Variants in OSBPL3 observed in about 807,000 individuals in gnomAD.
OSBPL3 encodes the protein oxysterol-binding protein-related protein 3.
A neutral mutation model predicts 120.1 loss-of-function variants in OSBPL3; 65 were observed. The ratio of observed to expected loss-of-function variants is 0.54; its 90% CI spans 0.44 to 0.67. The LOEUF is 0.67. OSBPL3 is among the 30% of genes least tolerant of loss of function. OSBPL3 has a pLI of 0.00. For synonymous variants in OSBPL3, 416 were observed against 402.6 expected (o/e 1.03, Z -0.40); for missense variants, 1,004 against 1,082.1 (o/e 0.93, Z 1.01).
At chr7:24,897,377 G>C (rs1806317675) in intron 1 of OSBPL3, among the ~76,000 whole-genome samples, 1 of 142,982 alleles carries the variant, frequency 7.0e-6, no homozygotes, top group Non-Finnish European at 1.5e-5. Flanking sequence ...CCAGGCTGGA[G>C]TGCAGTGGCG....
At chr7:24,980,608 C>T (rs1269204941), upstream of OSBPL3, among the ~76,000 whole-genome samples, 1 of 151,870 alleles carries the variant, frequency 6.6e-6, no homozygotes. Context: ...CCCTTGCGGT[C>T]GCACAGGCTA....
chr7:24,973,462 G>A (rs1213162943), intron 1 of OSBPL3, among the ~76,000 whole-genome samples: 1 of 152,126 alleles, frequency 6.6e-6, no homozygotes, highest in East Asian at 1.9e-4. Context: ...TTAGGTAGAG[G>A]CAGTTATAAA....
rs779454508 is a variant in OSBPL3 at position 24,953,052 on chromosome 7, A to C, written c.-150+26834T>G. On this transcript the variant is annotated intron_variant, in intron 1 of 22. Transcript: ENST00000313367. This position sits in a 1 kb window ranked among gnomAD's most constrained non-coding sequence, Gnocchi z 4.3. Reference sequence around the variant, plus strand: ...CTTGAGAGACTAGGATAGGAGGGTCACTTGAGCCTAGGATTTCAAGGTTGC... The same window carrying C: ...CTTGAGAGACTAGGATAGGAGGGTCCCTTGAGCCTAGGATTTCAAGGTTGC... Among the ~76,000 whole-genome samples the C allele has an allele frequency of 6.6e-6, 1 of 152,150 alleles. No homozygotes were observed. Among genetic ancestry groups the C allele is most frequent in the Non-Finnish European group, 1.5e-5 (1 of 68,024 alleles).
rs1795129637 is a variant in OSBPL3 at position 24,821,438 on chromosome 7, A to T, written c.1885-1200T>A. Among the ~76,000 whole-genome samples the T allele has an allele frequency of 6.6e-6, 1 of 152,134 alleles. No individual in the cohort carries two copies. Among genetic ancestry groups the T allele is most frequent in the African/African-American group, 2.4e-5 (1 of 41,430 alleles). On this transcript the variant is annotated intron_variant, in intron 16 of 22. Coordinates refer to ENST00000313367, the MANE Select transcript of OSBPL3 (RefSeq NM_015550.4). This position sits in a 1 kb window ranked among gnomAD's most constrained non-coding sequence, Gnocchi z 5.5. ...TGCTTGAGATAAACAGGTGGGGAGGAAGGGAGGGCAGTGGGTGACAAATCC... is the reference window on the plus strand; with the variant it reads ...TGCTTGAGATAAACAGGTGGGGAGGTAGGGAGGGCAGTGGGTGACAAATCC...
chr7:24,961,765 C>A (rs1003390971), intron 1 of OSBPL3, among the ~76,000 whole-genome samples: 2 of 152,198 alleles, frequency 1.3e-5, no homozygotes, highest in African/African-American at 4.8e-5. Flanking sequence ...GCACCAAGGA[C>A]TGGCAGTCAG....
At chr7:24,924,290 G>C (rs1468564442) in intron 1 of OSBPL3, among the ~76,000 whole-genome samples, 2 of 152,070 alleles carry the variant, frequency 1.3e-5, no homozygotes, top group African/African-American at 4.8e-5. Context: ...GAGATAATAG[G>C]AGGCCACATT....
intron 2 of OSBPL3, among the ~76,000 whole-genome samples, chr7:24,889,897 G>C (rs367628108): frequency 1.3e-5 from 2 of 152,220 alleles, no homozygotes; most frequent in Admixed American, 6.5e-5. Flanking sequence ...GGGCTATGCT[G>C]TCTGGGGCCT....
chr7:24,976,403 T>C, intron 1 of OSBPL3, among the ~76,000 whole-genome samples: 1 of 152,084 alleles, frequency 6.6e-6, no homozygotes, highest in Non-Finnish European at 1.5e-5. Context: ...CTGTAGACAA[T>C]GTTAGGACAG....
chr7:24,850,667 T>G (rs981636446), intron 11 of OSBPL3, among the ~76,000 whole-genome samples: 1 of 152,192 alleles, frequency 6.6e-6, no homozygotes, highest in Admixed American at 6.5e-5. Context: ...TAACAGTCTC[T>G]CTGGAGCACT....
Position 24,834,277 on chromosome 7 carries a change from A to G in OSBPL3, c.1746+209T>C. On this transcript the variant is annotated intron_variant, in intron 15 of 22. Coordinates refer to ENST00000313367, the MANE Select transcript of OSBPL3 (RefSeq NM_015550.4). The surrounding 1 kb of genome is among the most constrained non-coding windows in gnomAD (Gnocchi z 5.2). ...CCCCAGGCACCAAGTGCCACGGAGA[A>G]GCACCCCAACCCCGTCTCCAAATCC... 7.2e-7 allele frequency: 1 copy of G among 1,381,062 alleles called. No homozygotes were observed. The highest frequency in any genetic ancestry group is 9.4e-7 in the Non-Finnish European group (1 of 1,060,884). The allele number at this position is 1,381,062 out of a possible 1,614,324, so 85.6% of individuals were successfully genotyped here. A position where few individuals can be genotyped will look rare whatever the true frequency, so the allele number is the denominator to read the frequency against.
intron 1 of OSBPL3, among the ~76,000 whole-genome samples, chr7:24,976,853 C>T (rs901667945): frequency 2.6e-5 from 4 of 152,150 alleles, no homozygotes; most frequent in Admixed American, 2.0e-4. Flanking sequence ...AAATGTTACA[C>T]CAGCACCCAA....
intron 12 of OSBPL3, among the ~76,000 whole-genome samples, 174 bp downstream of exon 12, chr7:24,848,895 G>A (rs542729993): frequency 1.2e-4 from 19 of 152,336 alleles, no homozygotes; most frequent in South Asian, 6.2e-4. Flanking sequence ...TCAAGAAAGC[G>A]TTTGAGCCCG....
At chr7:24,850,419 T>C (rs989829282) in intron 11 of OSBPL3, among the ~76,000 whole-genome samples, 1 of 152,196 alleles carries the variant, frequency 6.6e-6, no homozygotes, top group Non-Finnish European at 1.5e-5. Context: ...ATTCAGCCTA[T>C]ATGTCTGTCT....
chr7:24,927,649 G>C (rs971865409), intron 1 of OSBPL3, among the ~76,000 whole-genome samples: 1 of 152,142 alleles, frequency 6.6e-6, no homozygotes, highest in Non-Finnish European at 1.5e-5. Context: ...TGATACACTT[G>C]CTTGTAGTTA....
At chr7:24,866,896 G>A (rs1033262079) in intron 5 of OSBPL3, among the ~76,000 whole-genome samples, 1 of 152,186 alleles carries the variant, frequency 6.6e-6, no homozygotes, top group African/African-American at 2.4e-5. Flanking sequence ...CCACCTCCCA[G>A]GTTCAAGCGA....
chr7:24,887,683 A>G (rs1399399935), intron 2 of OSBPL3, among the ~76,000 whole-genome samples: 1 of 152,224 alleles, frequency 6.6e-6, no homozygotes, highest in Non-Finnish European at 1.5e-5. Context: ...ACTCTTCTCT[A>G]TCACTAAGGG....
rs34710823 is a variant in OSBPL3, at chr7:24,849,946, GAA to G, written c.1159-772_1159-771del. 4.5e-5 allele frequency among the ~76,000 whole-genome samples: 6 copies of G among 134,604 alleles called. No homozygotes were observed. Among genetic ancestry groups the G allele is most frequent in the African/African-American group, 1.4e-4 (5 of 36,162 alleles). 88.3% of individuals were successfully genotyped at this position (134,604 alleles called of 152,430 possible). A position where few individuals can be genotyped will look rare whatever the true frequency, so the allele number is the denominator to read the frequency against. The stretch of plus-strand genomic sequence containing the variant: ...GGGTGAGAGTGAGACCCTGTCTCAC[GAA>G]AAAAAAAAAAAGAAATAAAGAAAGT... On this transcript the variant is annotated intron_variant, in intron 11 of 22. Transcript: ENST00000313367. This position sits in a 1 kb window ranked among gnomAD's most constrained non-coding sequence, Gnocchi z 5.4.
At chr7:24,856,533 G>A (rs1477356009) in intron 10 of OSBPL3, among the ~76,000 whole-genome samples, 1 of 152,140 alleles carries the variant, frequency 6.6e-6, no homozygotes, top group Non-Finnish European at 1.5e-5. Flanking sequence ...AAGCAATGTG[G>A]TACAGGAGAA....
At chr7:24,826,529 C>A (rs1290213488) in intron 16 of OSBPL3, among the ~76,000 whole-genome samples, 1 of 151,958 alleles carries the variant, frequency 6.6e-6, no homozygotes, top group Non-Finnish European at 1.5e-5. Context: ...CACAAGAGAC[C>A]CCACAGAGAG....
Sources: allele counts gnomAD v4.1 joint callset (sites outside exome capture counted in the v4.1 genomes callset), GRCh38; gene constraint gnomAD v4.1.1; non-coding constraint Gnocchi (gnomAD v3.1); transcripts MANE v1.5; gene names NCBI Gene and HGNC (gene_info 2026-07-23, HGNC 2026-07-21).